TC2N: variants seen among roughly 807,000 people sequenced by gnomAD.
The protein encoded by TC2N is tandem C2 domains nuclear protein.
Under a neutral mutation model 61.9 loss-of-function variants are expected in TC2N, and 51 were observed. That is an observed-to-expected ratio of 0.82 (90% CI 0.66 to 1.04). The LOEUF is 1.04. Ranked by LOEUF, TC2N falls within the 50% of genes least tolerant of loss-of-function variation. TC2N has a pLI of 0.00. For missense variants in TC2N, 556 were observed against 566.7 expected, an observed-to-expected ratio of 0.98 and a Z score of 0.19; for synonymous variants, 204 against 192.6, an observed-to-expected ratio of 1.06 and a Z score of -0.49.
intron 1 of TC2N, among the ~76,000 whole-genome samples, chr14:91,829,901 T>TA (rs1887675355): frequency 6.6e-6 from 1 of 152,102 alleles, no homozygotes; most frequent in Admixed American, 6.5e-5. Context: ...ACAAAAGAAT[T>TA]AGACATTCCT....
rs200237931 is a variant in TC2N, at chr14:91,805,260, AG to A, written c.302-2840del. Among the ~76,000 whole-genome samples the A allele has an allele frequency of 6.5e-3, 997 of 152,306 alleles. 10 individuals carry two copies. The highest frequency in any genetic ancestry group is 0.02 in the African/African-American group (840 of 41,570). ...AAAAAGTTTAAGAAGTAAAAAAAAA[AG>A]TTTTTAATAGAAAAAAGCTTATAGA... is the stretch of plus-strand genomic sequence containing the variant. On this transcript the variant is annotated intron_variant, in intron 3 of 11. Coordinates refer to ENST00000435962, the MANE Select transcript of TC2N (RefSeq NM_001128596.3).
intron 1 of TC2N, among the ~76,000 whole-genome samples, chr14:91,846,984 G>A (rs10132106): frequency 0.044 from 6,655 of 152,258 alleles, 393 homozygotes; most frequent in African/African-American, 0.13. Flanking sequence ...GAGGCCAGGC[G>A]CGGTGGCTCA....
chr14:91,851,213 G>A (rs8011404), intron 1 of TC2N, among the ~76,000 whole-genome samples: 74,334 of 151,984 alleles, frequency 0.49, 18,502 homozygotes, highest in African/African-American at 0.57. Flanking sequence ...AAAAGATTGG[G>A]GACCACTGTT....
intron 1 of TC2N, among the ~76,000 whole-genome samples, chr14:91,843,019 C>G (rs1263838319): frequency 1.3e-5 from 2 of 152,074 alleles, no homozygotes; most frequent in African/African-American, 2.4e-5. Flanking sequence ...TGGAAGTAAT[C>G]GTGTTCAGTT....
intron 1 of TC2N, among the ~76,000 whole-genome samples, chr14:91,817,662 C>T (rs1198776042): frequency 4.6e-5 from 7 of 152,050 alleles, no homozygotes; most frequent in Non-Finnish European, 1.0e-4. Context: ...ACATCTCTGA[C>T]CCCAATCAGT....
In TC2N at chr14:91,793,002, G is replaced by GT. The variant is rs1885733043; in HGVS notation, c.856-445dup. Among the ~76,000 whole-genome samples, 5 of 152,080 alleles carry GT rather than the reference G, an allele frequency of 3.3e-5. No individual in the cohort carries two copies. The South Asian group carries it at 1.0e-3, about 31-fold the overall frequency. The stretch of plus-strand genomic sequence containing the variant: ...AGACTTGAATTGTTTCTTTAAAGGA[G>GT]TTATTTTTTGTCTAAAGAATCTTCC... On this transcript the variant is annotated intron_variant, in intron 8 of 11. Transcript: ENST00000435962.
At chr14:91,866,812 T>A (rs1372343625) in intron 1 of TC2N, among the ~76,000 whole-genome samples, 1 of 152,198 alleles carries the variant, frequency 6.6e-6, no homozygotes, top group Non-Finnish European at 1.5e-5. Flanking sequence ...CCCAGTCTTG[T>A]ACAAAAAATA....
At position 91,783,030 on chromosome 14, in the gene TC2N, G is replaced by A. The variant is rs771907139; in HGVS notation, c.*70C>T. 5.1e-6 allele frequency: 5 copies of A among 975,912 alleles called. No homozygotes were observed. The highest frequency in any genetic ancestry group is 8.0e-6 in the Non-Finnish European group (5 of 623,230). 60.5% of individuals were successfully genotyped at this position (975,912 alleles called of 1,614,324 possible). On this transcript the variant is annotated 3_prime_UTR_variant, in exon 12 of 12. Coordinates refer to ENST00000435962, the MANE Select transcript of TC2N (RefSeq NM_001128596.3). ...ATTTGTTGATTTGCCTCTTCTCATT[G>A]GTAGCAAATTGAAATCATAAGTCTT...
At chr14:91,855,548 G>A in intron 1 of TC2N, among the ~76,000 whole-genome samples, 1 of 152,182 alleles carries the variant, frequency 6.6e-6, no homozygotes, top group East Asian at 1.9e-4. Flanking sequence ...TCAGTCATTG[G>A]ATTTAGAGCT....
chr14:91,817,020 T>TTA (rs2139870881), intron 1 of TC2N, among the ~76,000 whole-genome samples: 1 of 152,114 alleles, frequency 6.6e-6, no homozygotes, highest in Admixed American at 6.6e-5. Flanking sequence ...AAAATGAACT[T>TTA]TATAATCTGT....
At chr14:91,835,082 T>C (rs555293026) in intron 1 of TC2N, among the ~76,000 whole-genome samples, 17 of 152,234 alleles carry the variant, frequency 1.1e-4, no homozygotes, top group Non-Finnish European at 1.8e-4. Flanking sequence ...AATATTAGTT[T>C]TATTCGTAAA....
At chr14:91,813,898 C>T in intron 1 of TC2N, 73 bp from the exon 2 acceptor site, 2 of 540,070 alleles carry the variant, frequency 3.7e-6, no homozygotes, top group Non-Finnish European at 6.5e-6. Flanking sequence ...AAATAAACCA[C>T]ATTATCTGTC....
intron 3 of TC2N, among the ~76,000 whole-genome samples, chr14:91,804,581 AAAAC>A (rs1459996332): frequency 1.3e-5 from 2 of 152,310 alleles, no homozygotes; most frequent in South Asian, 2.1e-4. Context: ...TACAGATACA[AAAAC>A]AAACTAAAAC....
intron 1 of TC2N, among the ~76,000 whole-genome samples, chr14:91,822,671 G>A (rs923526565): frequency 1.3e-5 from 2 of 151,822 alleles, no homozygotes; most frequent in Admixed American, 6.6e-5. Context: ...AGGACTTGGT[G>A]GGGCAGGAGG....
chr14:91,789,494 C>T (rs1885537510), intron 9 of TC2N, among the ~76,000 whole-genome samples: 1 of 151,412 alleles, frequency 6.6e-6, no homozygotes, highest in Non-Finnish European at 1.5e-5. Flanking sequence ...ACCTGTAGTC[C>T]CAGCTACTTA....
chr14:91,864,192 A>G (rs1208101486), intron 1 of TC2N, among the ~76,000 whole-genome samples: 3 of 152,042 alleles, frequency 2.0e-5, no homozygotes, highest in Non-Finnish European at 4.4e-5. Flanking sequence ...CGCAACTCTA[A>G]CTTCCCTGGC....
intron 1 of TC2N, among the ~76,000 whole-genome samples, chr14:91,825,026 C>CTTTTTTTT (rs5810554): frequency 3.0e-5 from 2 of 66,860 alleles, no homozygotes; most frequent in African/African-American, 1.2e-4. Context: ...TTTTTCTTTT[C>CTTTTTTTT]TTTTTTTTTT....
chr14:91,787,608 T>G lies in TC2N; in HGVS notation c.1067A>C (p.Glu356Ala), dbSNP rs144110131. Residue 356 changes from glutamate (E) to alanine (A), a missense_variant, in exon 10 of 12, where the codon GAA becomes GCA. By Grantham distance (107) the Glu-to-Ala change is moderately radical. Coordinates refer to ENST00000435962, the MANE Select transcript of TC2N (RefSeq NM_001128596.3). ...SKISVCHAEL[E>A]LGTCFQAVNS... The stretch of plus-strand genomic sequence containing the variant: ...TACTGCTTGAAAACAAGTCCCCAAT[T>G]CAAGTTCTGCATGGCAAACCTGCAT... The G allele has an allele frequency of 3.6e-3, 5,854 of 1,610,468 alleles. 18 individuals are homozygous for G. Among genetic ancestry groups the G allele is most frequent in the Non-Finnish European group, 4.4e-3 (5,241 of 1,178,258 alleles).
chr14:91,807,591 T>A (rs533119309), intron 3 of TC2N, among the ~76,000 whole-genome samples: 1 of 152,350 alleles, frequency 6.6e-6, no homozygotes, highest in South Asian at 2.1e-4. Flanking sequence ...AGCCAATTTA[T>A]CCCATTTGGA....
Sources: allele counts gnomAD v4.1 joint callset (sites outside exome capture counted in the v4.1 genomes callset), GRCh38; gene constraint gnomAD v4.1.1; transcripts MANE v1.5; gene names NCBI Gene and HGNC (gene_info 2026-07-23, HGNC 2026-07-21).